SOX5: variants seen among roughly 807,000 people sequenced by gnomAD.
The protein encoded by SOX5 is transcription factor SOX-5.
Under a neutral mutation model 92.0 loss-of-function variants are expected in SOX5, and 9 were observed. The observed-to-expected ratio is 0.10, with a 90% CI of 0.06 to 0.17. The LOEUF (loss-of-function observed/expected upper bound fraction) is 0.17, where lower values mean the gene tolerates loss of function less well. Ranked by LOEUF, SOX5 falls within the 10% of genes least tolerant of loss-of-function variation. The pLI is 1.00. For missense variants in SOX5, 642 were observed against 944.5 expected, an observed-to-expected ratio of 0.68 and a Z score of 4.20; for synonymous variants, 344 against 336.3, an observed-to-expected ratio of 1.02 and a Z score of -0.25.
chr12:24,144,083 GA>G (rs113476142), intron 4 of SOX5, among the ~76,000 whole-genome samples: 52 of 142,330 alleles, frequency 3.7e-4, no homozygotes, highest in East Asian at 8.1e-4. Flanking sequence ...CAAGCAGCCA[GA>G]AAAAAAAAAA....
chr12:24,365,514 T>G (rs1245349819), intron 2 of SOX5, among the ~76,000 whole-genome samples: 1 of 151,802 alleles, frequency 6.6e-6, no homozygotes, highest in Non-Finnish European at 1.5e-5. Flanking sequence ...CTTCTATCAA[T>G]TCTGTCTAAA....
chr12:23,627,576 A>T (rs1430177767), intron 8 of SOX5, among the ~76,000 whole-genome samples: 2 of 152,094 alleles, frequency 1.3e-5, no homozygotes, highest in Non-Finnish European at 2.9e-5. Flanking sequence ...CACTACGCTG[A>T]GTATTTCGTG....
Position 23,689,084 on chromosome 12 carries a change from C to T in SOX5, c.811-23520G>A, listed in dbSNP as rs17472828. On this transcript the variant is annotated intron_variant, in intron 6 of 14. Coordinates refer to ENST00000451604, the MANE Select transcript of SOX5 (RefSeq NM_006940.6). ...CAGGTATACTGAAATAGCTCTTTCA[C>T]ATATCTAACGGTCACTACTAAGTCA... is the stretch of plus-strand genomic sequence containing the variant. Among the ~76,000 whole-genome samples, 464 of 152,234 alleles carry T rather than the reference C, an allele frequency of 3.0e-3. 2 individuals are homozygous for T. The highest frequency in any genetic ancestry group is 5.9e-3 in the Non-Finnish European group (403 of 67,966).
At chr12:23,582,349 T>C in intron 9 of SOX5, 6 of 899,510 alleles carry the variant, frequency 6.7e-6, no homozygotes, top group Non-Finnish European at 8.0e-6. Context: ...GTGTACCTGC[T>C]GAGCAGAACT....
At chr12:24,410,588 C>T (rs1382404150) in intron 1 of SOX5, among the ~76,000 whole-genome samples, 2 of 152,126 alleles carry the variant, frequency 1.3e-5, no homozygotes, top group Non-Finnish European at 2.9e-5. Context: ...TGTTGAATTG[C>T]TTTTGCACTT....
intron 6 of SOX5, among the ~76,000 whole-genome samples, chr12:23,695,737 C>T (rs537899701): frequency 1.5e-4 from 23 of 151,714 alleles, no homozygotes; most frequent in Admixed American, 5.3e-4. Context: ...GTCAGGAGAT[C>T]GAGACCATCC....
chr12:23,884,627 A>T (rs917419407), intron 2 of SOX5, among the ~76,000 whole-genome samples: 6 of 151,792 alleles, frequency 4.0e-5, no homozygotes, highest in Middle Eastern at 3.2e-3. Flanking sequence ...AAATATTTTT[A>T]AAAAGATTTT....
intron 4 of SOX5, among the ~76,000 whole-genome samples, chr12:23,979,889 C>T: frequency 7.7e-6 from 1 of 129,888 alleles, no homozygotes; most frequent in Non-Finnish European, 1.6e-5. Context: ...GGCTGGCTGG[C>T]TGGCTGGCTG....
chr12:24,239,120 G>C (rs1965083940), intron 3 of SOX5, among the ~76,000 whole-genome samples: 2 of 152,182 alleles, frequency 1.3e-5, no homozygotes. Flanking sequence ...ATTCAATATT[G>C]CATTACAATT....
chr12:23,554,547 C>CAA lies in SOX5; in HGVS notation c.1489-8125_1489-8124dup, dbSNP rs1306993841. The stretch of plus-strand genomic sequence containing the variant: ...GAATTCCTCTATTCTTCTCAAATCT[C>CAA]AAGTTAAAAAATTGTTTTAAACAAA... On this transcript the variant is annotated intron_variant, in intron 11 of 14. Coordinates refer to ENST00000451604, the MANE Select transcript of SOX5 (RefSeq NM_006940.6). Among the ~76,000 whole-genome samples, 13 of 152,156 alleles carry CAA rather than the reference C, an allele frequency of 8.5e-5. No individual in the cohort carries two copies. The East Asian group carries it at 2.5e-3, about 29-fold the overall frequency.
intron 4 of SOX5, among the ~76,000 whole-genome samples, chr12:24,154,968 T>C (rs542616867): frequency 6.6e-6 from 1 of 152,224 alleles, no homozygotes; most frequent in African/African-American, 2.4e-5. Flanking sequence ...TCACAATATA[T>C]TATTGGATAA....
At chr12:24,292,446 G>C (rs1489111278) in intron 2 of SOX5, among the ~76,000 whole-genome samples, 1 of 152,130 alleles carries the variant, frequency 6.6e-6, no homozygotes, top group Non-Finnish European at 1.5e-5. Flanking sequence ...ATAGTTATAA[G>C]CCAATGGAAG....
chr12:23,795,955 C>T (rs913307666), intron 3 of SOX5, among the ~76,000 whole-genome samples: 6 of 151,986 alleles, frequency 3.9e-5, no homozygotes, highest in African/African-American at 7.3e-5. Flanking sequence ...GAAGTCTGGG[C>T]GACAAGGTCA....
intron 6 of SOX5, among the ~76,000 whole-genome samples, chr12:23,719,039 G>A (rs1354060692): frequency 1.3e-5 from 2 of 152,148 alleles, no homozygotes; most frequent in South Asian, 4.1e-4. Flanking sequence ...GGTTTTGAGA[G>A]TTTTTGTTAG....
chr12:24,296,204 G>A (rs1271355233), intron 2 of SOX5, among the ~76,000 whole-genome samples: 1 of 152,052 alleles, frequency 6.6e-6, no homozygotes, highest in Admixed American at 6.5e-5. Flanking sequence ...TTTATACGCT[G>A]GTTTTATTTC....
At chr12:23,552,369 C>T (rs1239584460) in intron 11 of SOX5, among the ~76,000 whole-genome samples, 1 of 151,622 alleles carries the variant, frequency 6.6e-6, no homozygotes, top group East Asian at 1.9e-4. Context: ...GGAATGCAGA[C>T]CGGGGAAACT....
At chr12:23,934,490 AT>A (rs1942122399) in intron 1 of SOX5, among the ~76,000 whole-genome samples, 1 of 148,978 alleles carries the variant, frequency 6.7e-6, no homozygotes, top group African/African-American at 2.4e-5. Flanking sequence ...TATATGTCTA[AT>A]ATATAAAATA....
chr12:24,470,443 G>A (rs1317130723), intron 1 of SOX5, among the ~76,000 whole-genome samples: 1 of 151,254 alleles, frequency 6.6e-6, no homozygotes, highest in African/African-American at 2.4e-5. Context: ...ATTAAGGCAG[G>A]AACCTTCCAA....
intron 4 of SOX5, among the ~76,000 whole-genome samples, chr12:24,138,796 A>T (rs984436807): frequency 6.6e-6 from 1 of 152,200 alleles, no homozygotes; most frequent in Non-Finnish European, 1.5e-5. Context: ...ATCAATTTCA[A>T]CTATGCACAT....
Sources: allele counts gnomAD v4.1 joint callset (sites outside exome capture counted in the v4.1 genomes callset), GRCh38; gene constraint gnomAD v4.1.1; transcripts MANE v1.5; gene names NCBI Gene and HGNC (gene_info 2026-07-23, HGNC 2026-07-21).